Variants in CD83 observed in about 807,000 individuals in gnomAD.
CD83 encodes the protein CD83 molecule.
A neutral mutation model predicts 24.6 loss-of-function variants in CD83; 22 were observed. The observed-to-expected ratio is 0.90, with a 90% CI of 0.64 to 1.28. The LOEUF is 1.28. Among genes scored for constraint, CD83 ranks in the 50% most tolerant of loss-of-function variants. The pLI is 0.00. For missense variants in CD83, 253 were observed against 252.8 expected (o/e 1.00, Z -0.01); for synonymous variants, 101 against 103.5 (o/e 0.98, Z 0.14).
intron 3 of CD83, 116 bp from the exon 4 acceptor site, chr6:14,133,533 G>T: frequency 1.5e-6 from 1 of 678,394 alleles, no homozygotes; most frequent in South Asian, 1.9e-5. Flanking sequence ...TCATCCTGAT[G>T]GTGGGAAGAG....
intron 2 of CD83, among the ~76,000 whole-genome samples, chr6:14,123,161 G>A (rs1759709856): frequency 6.6e-6 from 1 of 150,842 alleles, no homozygotes; most frequent in African/African-American, 2.4e-5. Context: ...ACTGTGGTGT[G>A]ATCTCAGCTC....
In CD83 at chr6:14,117,860, G is replaced by T; in HGVS notation, c.37+12G>T. 1 of 1,575,072 alleles carries T rather than the reference G, an allele frequency of 6.3e-7. No individual in the cohort carries two copies. Among genetic ancestry groups the T allele is most frequent in the Non-Finnish European group, 8.6e-7 (1 of 1,168,052 alleles). On this transcript the variant is annotated intron_variant, in intron 1 of 4. Transcript: ENST00000379153. The surrounding 1 kb of genome is among the most constrained non-coding windows in gnomAD (Gnocchi z 4.6). ...GCTCCTGAGCTGCGGTAGGGCTCGC[G>T]AGCGCCTGTCTCGCCTGTCGCCCCC...
chr6:14,118,098 G>T (rs1216617845), intron 2 of CD83, 33 bp downstream of exon 2: 2 of 1,499,812 alleles, frequency 1.3e-6, no homozygotes, highest in Non-Finnish European at 1.8e-6. Context: ...GCTGGGGTTT[G>T]GTGGGCTCAT....
chr6:14,133,179 G>T (rs549099290), intron 3 of CD83, among the ~76,000 whole-genome samples: 1 of 152,222 alleles, frequency 6.6e-6, no homozygotes, highest in African/African-American at 2.4e-5. Context: ...CTGAGGTGAG[G>T]ACACACCACA....
At chr6:14,124,632 G>T (rs1390476177) in intron 2 of CD83, among the ~76,000 whole-genome samples, 1 of 152,184 alleles carries the variant, frequency 6.6e-6, no homozygotes, top group Admixed American at 6.5e-5. Context: ...ACATGGTGGT[G>T]CGGGGTGCCT....
intron 2 of CD83, among the ~76,000 whole-genome samples, chr6:14,127,074 C>T (rs1337435777): frequency 1.3e-5 from 2 of 151,876 alleles, no homozygotes; most frequent in East Asian, 1.9e-4. Context: ...CTGCAACCTT[C>T]GCCTCCTGGG....
Position 14,135,991 on chromosome 6 carries a change from GAGA to G in CD83, c.*761_*763del, listed in dbSNP as rs1260022423. 2.0e-5 allele frequency: 3 copies of G among 152,272 alleles called. No homozygotes were observed. Among genetic ancestry groups the G allele is most frequent in the Non-Finnish European group, 4.4e-5 (3 of 68,056 alleles). The allele number at this position is 152,272 out of a possible 1,614,324, so 9.4% of individuals were successfully genotyped here. A position where few individuals can be genotyped will look rare whatever the true frequency, so the allele number is the denominator to read the frequency against. ...GACAGGCAGCCTGGACATAGAGAGG[GAGA>G]AGAAGTCAGAGAGGGTGACAAGATA... On this transcript the variant is annotated 3_prime_UTR_variant, in exon 5 of 5. Transcript: ENST00000379153.
rs75569801 is a variant in CD83, at chr6:14,131,185, C to G, written c.154-335C>G. On this transcript the variant is annotated intron_variant, in intron 2 of 4. Transcript: ENST00000379153. ...AACATTTAATACAGAACAGTCCTAT[C>G]TATACATGTATACATAGACACAAAA... Among the ~76,000 whole-genome samples, 1,156 of 152,296 alleles carry G rather than the reference C, an allele frequency of 7.6e-3. 4 individuals carry two copies. The highest frequency in any genetic ancestry group is 0.014 in the South Asian group (68 of 4,824).
intron 2 of CD83, among the ~76,000 whole-genome samples, chr6:14,120,927 G>A (rs888667673): frequency 4.6e-5 from 7 of 152,132 alleles, no homozygotes; most frequent in Admixed American, 2.6e-4. Flanking sequence ...AGTGAGATGG[G>A]CTAGAGGGGA....
chr6:14,117,918 C>T lies in CD83; in HGVS notation c.38-32C>T. 6.3e-7 allele frequency: 1 copy of T among 1,593,320 alleles called. No homozygotes were observed. Among genetic ancestry groups the T allele is most frequent in the Non-Finnish European group, 8.5e-7 (1 of 1,173,166 alleles). ...CCACGACACCCCCTCCCGTCGGTCG[C>T]TTGCTCACGACGCGCTCTCTCTTTC... On this transcript the variant is annotated intron_variant, in intron 1 of 4. Coordinates refer to ENST00000379153, the MANE Select transcript of CD83 (RefSeq NM_004233.4). The surrounding 1 kb of genome is among the most constrained non-coding windows in gnomAD (Gnocchi z 4.6).
intron 2 of CD83, among the ~76,000 whole-genome samples, chr6:14,119,982 C>T (rs1001454806): frequency 6.6e-6 from 1 of 152,174 alleles, no homozygotes; most frequent in Non-Finnish European, 1.5e-5. Flanking sequence ...AACTCGGTAA[C>T]GCATGAGCTT....
At chr6:14,118,424 C>G (rs62386742) in intron 2 of CD83, among the ~76,000 whole-genome samples, 23,508 of 152,130 alleles carry the variant, frequency 0.15, 2,268 homozygotes, top group Middle Eastern at 0.24. Flanking sequence ...GCAACAGGGA[C>G]CTAGATTTGG....
chr6:14,129,665 C>T lies in CD83; in HGVS notation c.154-1855C>T, dbSNP rs1219935860. Among the ~76,000 whole-genome samples the T allele has an allele frequency of 2.6e-5, 4 of 152,118 alleles. No individual in the cohort carries two copies. The highest frequency in any genetic ancestry group is 9.7e-5 in the African/African-American group (4 of 41,410). Reference sequence around the variant, plus strand: ...CTGAGAAGAGCCGTTCATCTCAGCTCAGGGCTGGGAGGGAGCTGAGCAGGT... The same window carrying T: ...CTGAGAAGAGCCGTTCATCTCAGCTTAGGGCTGGGAGGGAGCTGAGCAGGT... On this transcript the variant is annotated intron_variant, in intron 2 of 4. Transcript: ENST00000379153. This position sits in a 1 kb window ranked among gnomAD's most constrained non-coding sequence, Gnocchi z 4.3.
At chr6:14,132,390 G>A (rs1001368154) in intron 3 of CD83, among the ~76,000 whole-genome samples, 2 of 152,186 alleles carry the variant, frequency 1.3e-5, no homozygotes, top group Non-Finnish European at 2.9e-5. Context: ...AGGGAGTGGA[G>A]AGAAAATGAA....
At position 14,136,312 on chromosome 6, in the gene CD83, T is replaced by TG. The variant is rs1199698197; in HGVS notation, c.*1077dup. The TG allele has an allele frequency of 6.6e-6, 1 of 152,266 alleles. No homozygotes were observed. The highest frequency in any genetic ancestry group is 1.5e-5 in the Non-Finnish European group (1 of 68,056). 9.4% of individuals were successfully genotyped at this position (152,266 alleles called of 1,614,324 possible). A position where few individuals can be genotyped will look rare whatever the true frequency, so the allele number is the denominator to read the frequency against. On this transcript the variant is annotated 3_prime_UTR_variant, in exon 5 of 5. Transcript: ENST00000379153. Reference sequence around the variant, plus strand: ...GCTATCCATTTCTCATGTTTTCCATTGTTTGAAACAAAGAAGGTTACCAAG... The same window carrying TG: ...GCTATCCATTTCTCATGTTTTCCATTGGTTTGAAACAAAGAAGGTTACCAAG...
intron 2 of CD83, among the ~76,000 whole-genome samples, chr6:14,123,969 C>G (rs947153580): frequency 8.5e-5 from 13 of 152,150 alleles, no homozygotes; most frequent in African/African-American, 3.1e-4. Context: ...AAAGTTTCCT[C>G]CCTCTAAAGA....
chr6:14,126,887 T>C (rs1331142772), intron 2 of CD83, among the ~76,000 whole-genome samples: 2 of 152,224 alleles, frequency 1.3e-5, no homozygotes, highest in Non-Finnish European at 1.5e-5. Context: ...TTACAATCTA[T>C]ACCCTTAAAT....
At chr6:14,133,424 AT>A (rs1757972684) in intron 3 of CD83, among the ~76,000 whole-genome samples, 1 of 152,186 alleles carries the variant, frequency 6.6e-6, no homozygotes, top group South Asian at 2.1e-4. Context: ...TGTTCTGAAG[AT>A]TCGGAAAGAT....
At chr6:14,134,605 A>G (rs1334625768) in intron 4 of CD83, among the ~76,000 whole-genome samples, 2 of 151,968 alleles carry the variant, frequency 1.3e-5, no homozygotes, top group African/African-American at 4.8e-5. Context: ...CTGGCTGTGC[A>G]CTCATCTCTC....
Sources: allele counts gnomAD v4.1 joint callset (sites outside exome capture counted in the v4.1 genomes callset), GRCh38; gene constraint gnomAD v4.1.1; non-coding constraint Gnocchi (gnomAD v3.1); transcripts MANE v1.5; gene names NCBI Gene and HGNC (gene_info 2026-07-23, HGNC 2026-07-21).